Variants in TMEM268 observed in about 807,000 individuals in gnomAD.
TMEM268 encodes transmembrane protein C9orf91.
TMEM268 carries 24 observed loss-of-function variants against 39.1 expected under a neutral mutation model. That is an observed-to-expected ratio of 0.61 (90% confidence interval 0.44 to 0.86). The LOEUF (loss-of-function observed/expected upper bound fraction) is 0.86. TMEM268 is among the 40% of genes least tolerant of loss of function. The pLI, the probability that TMEM268 is intolerant of heterozygous loss-of-function variation, is 0.00. For synonymous variants in TMEM268, 176 were observed against 173.5 expected (o/e 1.01, Z -0.12); for missense variants, 409 against 428.6 (o/e 0.95, Z 0.40).
At chr9:114,619,966 T>C (rs1845880387) in intron 2 of TMEM268, among the ~76,000 whole-genome samples, 1 of 152,138 alleles carries the variant, frequency 6.6e-6, no homozygotes, top group Admixed American at 6.5e-5. Context: ...CCCAGCACTT[T>C]GGGAGGCCTA....
Position 114,611,556 on chromosome 9 carries a change from G to GCGA in TMEM268, c.-85_-84insACG. The GCGA allele has an allele frequency of 6.0e-6, 1 of 167,992 alleles. No individual in the cohort carries two copies. The highest frequency in any genetic ancestry group is 1.2e-5 in the Non-Finnish European group (1 of 82,832). The allele number at this position is 167,992 out of a possible 1,614,324, so 10.4% of individuals were successfully genotyped here. A position where few individuals can be genotyped will look rare whatever the true frequency, so the allele number is the denominator to read the frequency against. ...GGTGGCGGCGGCGGCGGCGGCGGCGGCGCGGGCGGTGAGTGTGCGCGGGCC... is the reference window on the plus strand; with the variant it reads ...GGTGGCGGCGGCGGCGGCGGCGGCGGCGACGCGGGCGGTGAGTGTGCGCGGGCC... On this transcript the variant is annotated 5_prime_UTR_variant, in exon 1 of 9. Transcript: ENST00000288502.
upstream of TMEM268, among the ~76,000 whole-genome samples, chr9:114,610,180 C>A (rs1845442561): frequency 1.3e-5 from 2 of 152,096 alleles, no homozygotes. Context: ...GCTGGGATTA[C>A]AGGCATGCGC....
chr9:114,638,829 CAGTT>C (rs1275839402), intron 8 of TMEM268, 103 bp downstream of exon 8: 2 of 813,990 alleles, frequency 2.5e-6, no homozygotes, highest in East Asian at 3.2e-5. Flanking sequence ...ATGCTTCTCT[CAGTT>C]AGTAGACACC....
At chr9:114,636,096 C>T (rs1277540646) in intron 6 of TMEM268, among the ~76,000 whole-genome samples, 1 of 152,136 alleles carries the variant, frequency 6.6e-6, no homozygotes, top group Non-Finnish European at 1.5e-5. Context: ...GAGTTTGGGG[C>T]AAGGGCCACC....
At chr9:114,608,354 C>T (rs1426802776), upstream of TMEM268, among the ~76,000 whole-genome samples, 6 of 152,250 alleles carry the variant, frequency 3.9e-5, no homozygotes, top group Admixed American at 1.3e-4. Flanking sequence ...AGCTGAGCTG[C>T]CTGCCAATGC....
chr9:114,604,161 T>C, the TMEM268 span, among the ~76,000 whole-genome samples: 1 of 152,144 alleles, frequency 6.6e-6, no homozygotes, highest in African/African-American at 2.4e-5. Context: ...AACAACTTCA[T>C]AGCTATATAC....
intron 1 of TMEM268, among the ~76,000 whole-genome samples, chr9:114,614,339 G>A (rs1214570114): frequency 1.3e-5 from 2 of 152,202 alleles, no homozygotes; most frequent in Admixed American, 6.5e-5. Flanking sequence ...GCTGAAAATC[G>A]GGGCCAGCTT....
chr9:114,607,618 G>A (rs1317010189), upstream of TMEM268, among the ~76,000 whole-genome samples: 1 of 152,188 alleles, frequency 6.6e-6, no homozygotes, highest in Non-Finnish European at 1.5e-5. Context: ...TCGCGCTGCT[G>A]TACTCCAGCC....
chr9:114,616,138 C>T (rs1845701450), intron 1 of TMEM268, among the ~76,000 whole-genome samples: 1 of 151,040 alleles, frequency 6.6e-6, no homozygotes, highest in South Asian at 2.1e-4. Context: ...GCCTCAGCCT[C>T]CCAAGTAGCT....
upstream of TMEM268, among the ~76,000 whole-genome samples, chr9:114,610,832 AGAC>A (rs369891548): frequency 4.6e-3 from 706 of 152,348 alleles, 7 homozygotes; most frequent in African/African-American, 0.016. Context: ...AATTTACCAA[AGAC>A]GATAATAAGA....
chr9:114,607,873 G>C (rs900810170), upstream of TMEM268, among the ~76,000 whole-genome samples: 8 of 152,136 alleles, frequency 5.3e-5, no homozygotes, highest in Non-Finnish European at 1.2e-4. Context: ...CAACCACTGA[G>C]AACTAGAAGT....
chr9:114,621,140 C>A (rs1003993998), intron 2 of TMEM268, among the ~76,000 whole-genome samples: 1 of 151,620 alleles, frequency 6.6e-6, no homozygotes, highest in African/African-American at 2.4e-5. Flanking sequence ...GAATTTGAGA[C>A]CAGGCTGGGC....
the TMEM268 span, among the ~76,000 whole-genome samples, chr9:114,604,078 T>C: frequency 1.6e-4 from 24 of 152,082 alleles, no homozygotes; most frequent in Non-Finnish European, 2.9e-4. Context: ...GGATGTGCAG[T>C]GATGGAGCCA....
chr9:114,617,191 C>T lies in TMEM268; in HGVS notation c.-5C>T, dbSNP rs746425907. The T allele has an allele frequency of 6.3e-7, 1 of 1,587,664 alleles. No individual in the cohort carries two copies. Among genetic ancestry groups the T allele is most frequent in the East Asian group, 2.3e-5 (1 of 44,104 alleles). On this transcript the variant is annotated 5_prime_UTR_variant, in exon 2 of 9. Coordinates refer to ENST00000288502, the MANE Select transcript of TMEM268 (RefSeq NM_153045.4). ...AGGGGAAGTAGAAACAGCTGGCGCC[C>T]TGCCATGGCCTGTGAACCACAGGTG...
chr9:114,624,431 A>G lies in TMEM268; in HGVS notation c.188A>G (p.Glu63Gly), dbSNP rs1284200761. ...APISFDLGAA[E>G]EQLQTWGIQV... ...ATCTCCTTCGACCTGGGAGCCGCAGAAGAGCAACTGCAAACTTGGGGCATC... is the reference window on the plus strand; with the variant it reads ...ATCTCCTTCGACCTGGGAGCCGCAGGAGAGCAACTGCAAACTTGGGGCATC... Residue 63 changes from glutamate (E) to glycine (G), a missense_variant, in exon 3 of 9, where the codon GAA becomes GGA. Transcript: ENST00000288502. The G allele has an allele frequency of 6.3e-7, 1 of 1,587,774 alleles. No individual in the cohort carries two copies. The highest frequency in any genetic ancestry group is 2.3e-5 in the East Asian group (1 of 44,168).
chr9:114,632,557 C>T (rs10817648), intron 5 of TMEM268, among the ~76,000 whole-genome samples: 41,496 of 151,880 alleles, frequency 0.27, 5,993 homozygotes, highest in South Asian at 0.4. Flanking sequence ...CAGCTGAATG[C>T]GTGGCGTCCA....
At chr9:114,635,565 G>A (rs1193438358) in intron 6 of TMEM268, among the ~76,000 whole-genome samples, 1 of 152,152 alleles carries the variant, frequency 6.6e-6, no homozygotes. Flanking sequence ...TGTAGTCCCA[G>A]CTACTTGGAA....
At position 114,628,459 on chromosome 9, in the gene TMEM268, G is replaced by A. The variant is rs114917652; in HGVS notation, c.474+209G>A. Among the ~76,000 whole-genome samples the A allele has an allele frequency of 6.6e-3, 1,002 of 152,246 alleles. 6 individuals are homozygous for A. The highest frequency in any genetic ancestry group is 0.023 in the African/African-American group (967 of 41,526). On this transcript the variant is annotated intron_variant, in intron 5 of 8. Transcript: ENST00000288502. Reference sequence around the variant, plus strand: ...TCTAATCCCTGTGGATTGTTTTTCTGGAAGCAAGCTGTGTTTTGGGAATGT... The same window carrying A: ...TCTAATCCCTGTGGATTGTTTTTCTAGAAGCAAGCTGTGTTTTGGGAATGT...
chr9:114,604,281 G>T, the TMEM268 span, among the ~76,000 whole-genome samples: 1 of 152,090 alleles, frequency 6.6e-6, no homozygotes, highest in Non-Finnish European at 1.5e-5. Flanking sequence ...AACCTACAGA[G>T]GATGCCCTGA....
Sources: gnomAD v4.1 joint callset for allele counts (sites outside exome capture counted in the v4.1 genomes callset) on GRCh38, gnomAD v4.1.1 for gene constraint, MANE v1.5 for transcripts, NCBI Gene and HGNC (gene_info 2026-07-23, HGNC 2026-07-21) for gene names.